PRKN: variants seen among roughly 807,000 people sequenced by gnomAD.
The protein encoded by PRKN is E3 ubiquitin-protein ligase parkin.
In PRKN, 56 loss-of-function variants were observed where a neutral mutation model predicts 59.5. The observed-to-expected ratio is 0.94, with a 90% confidence interval of 0.76 to 1.18. PRKN has a LOEUF of 1.18. Among genes scored for constraint, PRKN ranks in the 50% most tolerant of loss-of-function variants. The pLI is 0.00. For missense variants in PRKN, 657 were observed against 596.4 expected (o/e 1.10, Z -1.06); for synonymous variants, 250 against 222.1 (o/e 1.13, Z -1.12).
rs747249242 is a variant in PRKN, at chr6:162,331,281, C to A, written c.172-68516G>T. On this transcript the variant is annotated intron_variant, in intron 2 of 11. Transcript: ENST00000366898. Reference sequence around the variant, plus strand: ...GCCCCTCCTCCAGCAATGGGAATTACAATTTAACAGGAGATTTGGGTGGAG... The same window carrying A: ...GCCCCTCCTCCAGCAATGGGAATTAAAATTTAACAGGAGATTTGGGTGGAG... Among the ~76,000 whole-genome samples, 40 of 152,082 alleles carry A rather than the reference C, an allele frequency of 2.6e-4. 1 individual carries two copies. The highest frequency in any genetic ancestry group is 5.1e-4 in the Non-Finnish European group (35 of 68,014).
chr6:162,198,586 A>C lies in PRKN; in HGVS notation c.534+2545T>G, dbSNP rs926831610. 4.6e-5 allele frequency among the ~76,000 whole-genome samples: 7 copies of C among 152,278 alleles called. No individual in the cohort carries two copies. The South Asian group carries it at 1.5e-3, about 32-fold the overall frequency. On this transcript the variant is annotated intron_variant, in intron 4 of 11. Transcript: ENST00000366898. ...ACTCTTCGTAAATGAGCTAATCTGC[A>C]CAAAAGGAAATAGATACTATTGTAC...
At chr6:162,521,561 G>A (rs1420616203) in intron 1 of PRKN, among the ~76,000 whole-genome samples, 1 of 151,986 alleles carries the variant, frequency 6.6e-6, no homozygotes, top group African/African-American at 2.4e-5. Flanking sequence ...TTGGACACAC[G>A]ATGTTAAAAA....
intron 2 of PRKN, among the ~76,000 whole-genome samples, chr6:162,419,942 C>T (rs1254951211): frequency 6.6e-6 from 1 of 152,144 alleles, no homozygotes; most frequent in East Asian, 1.9e-4. Flanking sequence ...TGGAAAGCAG[C>T]AGCCCCCAAC....
At chr6:161,907,717 G>A (rs1026705960) in intron 6 of PRKN, among the ~76,000 whole-genome samples, 3 of 152,186 alleles carry the variant, frequency 2.0e-5, no homozygotes, top group African/African-American at 7.2e-5. Flanking sequence ...TATTTGCTGA[G>A]ATCGAAAGGA....
At chr6:162,274,367 C>T (rs935048344) in intron 2 of PRKN, among the ~76,000 whole-genome samples, 2 of 151,824 alleles carry the variant, frequency 1.3e-5, no homozygotes, top group Non-Finnish European at 1.5e-5. Context: ...TTTGTATATG[C>T]CATACAGACA....
intron 1 of PRKN, among the ~76,000 whole-genome samples, chr6:162,501,803 G>A (rs557861348): frequency 2.0e-5 from 3 of 152,078 alleles, no homozygotes; most frequent in East Asian, 1.9e-4. Flanking sequence ...TTGCCTTGCC[G>A]GAGTGGCACC....
intron 3 of PRKN, among the ~76,000 whole-genome samples, chr6:162,225,977 T>C (rs937790311): frequency 2.1e-4 from 31 of 147,728 alleles, no homozygotes; most frequent in African/African-American, 7.6e-4. Flanking sequence ...TAGGAAACCA[T>C]ATGTATATAC....
intron 1 of PRKN, among the ~76,000 whole-genome samples, chr6:162,648,799 A>T (rs1778300169): frequency 6.6e-6 from 1 of 152,208 alleles, no homozygotes; most frequent in Non-Finnish European, 1.5e-5. Context: ...GTGTTAACTT[A>T]GCTGGGCTCT....
chr6:162,625,718 A>G (rs186630081), intron 1 of PRKN, among the ~76,000 whole-genome samples: 8 of 152,078 alleles, frequency 5.3e-5, no homozygotes, highest in African/African-American at 1.2e-4. Flanking sequence ...GTGTGTATAT[A>G]TATATAAACT....
intron 2 of PRKN, among the ~76,000 whole-genome samples, chr6:162,309,632 G>T (rs182736378): frequency 7.0e-6 from 1 of 143,392 alleles, no homozygotes; most frequent in Non-Finnish European, 1.5e-5. Flanking sequence ...TACACTGTGC[G>T]TAAGCTGTAT....
chr6:161,782,616 A>G (rs540375148), intron 7 of PRKN, among the ~76,000 whole-genome samples: 1 of 152,330 alleles, frequency 6.6e-6, no homozygotes, highest in African/African-American at 2.4e-5. Flanking sequence ...ATGAAAGGCC[A>G]GGTGCAGTGG....
At chr6:161,686,075 CAAA>C (rs34114820) in intron 7 of PRKN, among the ~76,000 whole-genome samples, 5,810 of 128,666 alleles carry the variant, frequency 0.045, 199 homozygotes, top group African/African-American at 0.091. Flanking sequence ...TAGAAAACAG[CAAA>C]AAAAAAAAAA....
chr6:161,582,971 AACACACACAC>A lies in PRKN; in HGVS notation c.872-13565_872-13556del, dbSNP rs768568929. Among the ~76,000 whole-genome samples the A allele has an allele frequency of 8.9e-3, 1,047 of 117,202 alleles. 16 individuals are homozygous for A. Among genetic ancestry groups the A allele is most frequent in the African/African-American group, 0.023 (789 of 34,518 alleles). 76.9% of individuals were successfully genotyped at this position (117,202 alleles called of 152,430 possible). On this transcript the variant is annotated intron_variant, in intron 7 of 11. Transcript: ENST00000366898. This position sits in a 1 kb window ranked among gnomAD's most constrained non-coding sequence, Gnocchi z 4.4. ...TCTTTCCAGTGAGATGGCCTATTCC[AACACACACAC>A]ACACACACACACACACACACACACA...
At chr6:162,142,025 T>C (rs1307942569) in intron 4 of PRKN, among the ~76,000 whole-genome samples, 1 of 152,210 alleles carries the variant, frequency 6.6e-6, no homozygotes, top group Non-Finnish European at 1.5e-5. Flanking sequence ...GCCAAGAGTA[T>C]GTAAACACAT....
chr6:162,201,360 A>G, intron 3 of PRKN, 108 bp from the exon 4 acceptor site: 1 of 898,654 alleles, frequency 1.1e-6, no homozygotes, highest in East Asian at 2.5e-5. Context: ...AGTCTTCAGG[A>G]ACATTTTGAA....
intron 6 of PRKN, among the ~76,000 whole-genome samples, chr6:161,874,104 T>A (rs1339708583): frequency 5.3e-5 from 3 of 56,912 alleles, no homozygotes; most frequent in African/African-American, 1.6e-4. Context: ...TAATATATAT[T>A]ATATGTAAAA....
Position 161,918,569 on chromosome 6 carries a change from A to T in PRKN, c.734+54733T>A, listed in dbSNP as rs1409023984. Among the ~76,000 whole-genome samples, 3 of 152,202 alleles carry T rather than the reference A, an allele frequency of 2.0e-5. No homozygotes were observed. The East Asian group carries it at 5.8e-4, about 29-fold the overall frequency. ...TTTCATTTTCTATGCAAAATACTGCATGGTATACAAACACCTCTCAGGTTA... is the reference window on the plus strand; with the variant it reads ...TTTCATTTTCTATGCAAAATACTGCTTGGTATACAAACACCTCTCAGGTTA... On this transcript the variant is annotated intron_variant, in intron 6 of 11. Coordinates refer to ENST00000366898, the MANE Select transcript of PRKN (RefSeq NM_004562.3).
intron 5 of PRKN, among the ~76,000 whole-genome samples, chr6:161,975,582 C>G (rs989538869): frequency 1.3e-5 from 2 of 152,150 alleles, no homozygotes; most frequent in Non-Finnish European, 2.9e-5. Flanking sequence ...AGCCCTTGGT[C>G]TGAAGCTGTA....
rs892184459 is a variant in PRKN, at chr6:162,135,131, T to G, written c.534+66000A>C. 3.8e-4 allele frequency among the ~76,000 whole-genome samples: 58 copies of G among 152,180 alleles called. 1 individual carries two copies. The highest frequency in any genetic ancestry group is 3.4e-3 in the Admixed American group (52 of 15,270). On this transcript the variant is annotated intron_variant, in intron 4 of 11. Transcript: ENST00000366898. ...TTTTAGGGAATAATAAAATATTAGT[T>G]TTGTTGTTGTTGTTTGGCTTTTACA...
Sources: gnomAD v4.1 joint callset for allele counts (sites outside exome capture counted in the v4.1 genomes callset) on GRCh38, gnomAD v4.1.1 for gene constraint, Gnocchi (gnomAD v3.1) non-coding constraint, MANE v1.5 for transcripts, NCBI Gene and HGNC (gene_info 2026-07-23, HGNC 2026-07-21) for gene names.